TMEM63B: variants seen among roughly 807,000 people sequenced by gnomAD.
TMEM63B encodes the protein transmembrane protein 63B, also known as mechanosensitive cation channel TMEM63B.
A neutral mutation model predicts 102.6 loss-of-function variants in TMEM63B; 23 were observed. The ratio of observed to expected loss-of-function variants is 0.22; its 90% CI spans 0.16 to 0.32. The LOEUF (loss-of-function observed/expected upper bound fraction) is 0.32, where lower values mean the gene tolerates loss of function less well. Ranked by LOEUF, TMEM63B falls within the 10% of genes least tolerant of loss-of-function variation. TMEM63B has a pLI of 1.00. For missense variants in TMEM63B, 628 were observed against 1,095.9 expected (o/e 0.57, Z 6.03); for synonymous variants, 444 against 437.0 (o/e 1.02, Z -0.20).
At chr6:44,154,604 C>T (rs1451663986) in intron 23 of TMEM63B, 88 bp from the exon 24 acceptor site, 3 of 1,469,018 alleles carry the variant, frequency 2.0e-6, no homozygotes, top group South Asian at 2.6e-5. Flanking sequence ...CAGGGCCCTG[C>T]CCACTCTGCT....
Position 44,140,031 on chromosome 6 carries a change from T to A in TMEM63B, c.603-221T>A, listed in dbSNP as rs532129913. ...GACACTGTAACCAGTGGGTAGGGCGTAGAAAGGTGACCTATCAGGGATATT... is the reference window on the plus strand; with the variant it reads ...GACACTGTAACCAGTGGGTAGGGCGAAGAAAGGTGACCTATCAGGGATATT... On this transcript the variant is annotated intron_variant, in intron 8 of 23. Transcript: ENST00000323267. Among the ~76,000 whole-genome samples, 196 of 152,140 alleles carry A rather than the reference T, an allele frequency of 1.3e-3. 2 individuals carry two copies. Among genetic ancestry groups the A allele is most frequent in the Non-Finnish European group, 1.8e-3 (119 of 67,988 alleles).
intron 11 of TMEM63B, 108 bp from the exon 12 acceptor site, chr6:44,147,269 C>T (rs1193347853): frequency 1.3e-6 from 2 of 1,567,316 alleles, no homozygotes; most frequent in African/African-American, 2.7e-5. Context: ...AACATGTATC[C>T]TAAACAAGAA....
chr6:44,141,186 C>A, intron 10 of TMEM63B, 88 bp downstream of exon 10: 1 of 1,322,152 alleles, frequency 7.6e-7, no homozygotes, highest in South Asian at 1.3e-5. Context: ...TATACCCTAG[C>A]CTGGAGCTCT....
chr6:44,137,129 G>A (rs1472780868), intron 5 of TMEM63B, among the ~76,000 whole-genome samples: 2 of 152,246 alleles, frequency 1.3e-5, no homozygotes, highest in Non-Finnish European at 2.9e-5. Context: ...GGTTGCAGGT[G>A]GGTGGCCCCT....
chr6:44,154,671 C>G (rs1767665622), intron 23 of TMEM63B, 21 bp from the exon 24 acceptor site: 2 of 1,505,642 alleles, frequency 1.3e-6, no homozygotes, highest in African/African-American at 1.6e-5. Context: ...CACCTTGCCC[C>G]CATTTCCTCT....
intron 3 of TMEM63B, 80 bp from the exon 4 acceptor site, chr6:44,135,248 C>A: frequency 6.4e-7 from 1 of 1,573,208 alleles, no homozygotes; most frequent in Non-Finnish European, 8.7e-7. Flanking sequence ...CATGAGGGCC[C>A]TAAGTTGGGC....
At position 44,138,736 on chromosome 6, in the gene TMEM63B, G is replaced by GTCCCCCC. The variant is rs567563400; in HGVS notation, c.407+219_407+220insTCCCCCC. On this transcript the variant is annotated intron_variant, in intron 6 of 23. Transcript: ENST00000323267. Reference sequence around the variant, plus strand: ...TAATCTCCTCTGTGACCCCCTGCCGGCCCCCCCGCTTCTCTCCCTGCCCTG... The same window carrying GTCCCCCC: ...TAATCTCCTCTGTGACCCCCTGCCGGTCCCCCCCCCCCCCGCTTCTCTCCCTGCCCTG... 1.7e-3 allele frequency: 502 copies of GTCCCCCC among 287,924 alleles called. 2 individuals are homozygous for GTCCCCCC. Among genetic ancestry groups the GTCCCCCC allele is most frequent in the South Asian group, 2.2e-3 (64 of 28,812 alleles). The allele number at this position is 287,924 out of a possible 1,614,324, so 17.8% of individuals were successfully genotyped here.
chr6:44,130,856 A>G (rs1340644380), intron 1 of TMEM63B, among the ~76,000 whole-genome samples: 4 of 150,624 alleles, frequency 2.7e-5, no homozygotes, highest in Non-Finnish European at 4.4e-5. Flanking sequence ...GGCTCAAGGT[A>G]TCTTCCCCAC....
chr6:44,152,810 C>G lies in TMEM63B; in HGVS notation c.1942+112C>G, dbSNP rs1767040875. 1.1e-6 allele frequency: 1 copy of G among 880,364 alleles called. No homozygotes were observed. The highest frequency in any genetic ancestry group is 1.8e-6 in the Non-Finnish European group (1 of 570,090). 54.5% of individuals were successfully genotyped at this position (880,364 alleles called of 1,614,324 possible). Reference sequence around the variant, plus strand: ...AGTGGACAGGGCCCGGCTGGGAGACCGGCCCCTCGGGGCTCCCGCCCGGTC... The same window carrying G: ...AGTGGACAGGGCCCGGCTGGGAGACGGGCCCCTCGGGGCTCCCGCCCGGTC... On this transcript the variant is annotated intron_variant, in intron 20 of 23. Transcript: ENST00000323267. The surrounding 1 kb of genome is among the most constrained non-coding windows in gnomAD (Gnocchi z 6.4).
Position 44,155,103 on chromosome 6 carries a change from A to C in TMEM63B, c.*220A>C, listed in dbSNP as rs894833321. On this transcript the variant is annotated 3_prime_UTR_variant, in exon 24 of 24. Transcript: ENST00000323267. ...GAGCCCCGAGCCGGCCCCGGGGCAA[A>C]GAGGGGTGCAGAGGGAGTTCCCCCA... 2 of 400,430 alleles carry C rather than the reference A, an allele frequency of 5.0e-6. No individual in the cohort carries two copies. Among genetic ancestry groups the C allele is most frequent in the Non-Finnish European group, 8.9e-6 (2 of 225,326 alleles). The allele number at this position is 400,430 out of a possible 1,614,324, so 24.8% of individuals were successfully genotyped here. A position where few individuals can be genotyped will look rare whatever the true frequency, so the allele number is the denominator to read the frequency against.
rs766982137 is a variant in TMEM63B, at chr6:44,141,004, C to T, written c.712-24C>T. 9 of 1,613,140 alleles carry T rather than the reference C, an allele frequency of 5.6e-6. No individual in the cohort carries two copies. In the South Asian group the frequency reaches 8.8e-5, roughly 16 times the overall value. ...TCCACTGGGGTCAAGCCTCAGAAGG[C>T]AAACCCACTCCCCTGTCACCCAGGT... On this transcript the variant is annotated intron_variant, in intron 9 of 23. Transcript: ENST00000323267.
At chr6:44,130,094 G>A (rs1385920559) in intron 1 of TMEM63B, among the ~76,000 whole-genome samples, 1 of 152,240 alleles carries the variant, frequency 6.6e-6, no homozygotes, top group Non-Finnish European at 1.5e-5. Context: ...AGGCAAGCAG[G>A]TAGAAATAGG....
chr6:44,140,232 A>C lies in TMEM63B; in HGVS notation c.603-20A>C, dbSNP rs750881838. On this transcript the variant is annotated intron_variant, in intron 8 of 23. Transcript: ENST00000323267. The stretch of plus-strand genomic sequence containing the variant: ...GTCCTAGCCCCAGTGGCTCCCATGT[A>C]TCCTCTCTGCTTCTCCCAGGAACAA... 2.5e-6 allele frequency: 4 copies of C among 1,604,454 alleles called. No individual in the cohort carries two copies. Among genetic ancestry groups the C allele is most frequent in the South Asian group, 1.1e-5 (1 of 90,766 alleles).
Position 44,139,716 on chromosome 6 carries a change from G to C in TMEM63B, c.559G>C (p.Ala187Pro). The C allele has an allele frequency of 6.2e-7, 1 of 1,614,180 alleles. No homozygotes were observed. The highest frequency in any genetic ancestry group is 2.2e-5 in the East Asian group (1 of 44,886). The part of the protein sequence containing the change: ...NFSGDLLENN[A>P]YSFGRTTIAN... Reference sequence around the variant, plus strand: ...CTCTTCCCACCCCACAGAGAACAATGCCTACAGCTTTGGGAGAACCACCAT... The same window carrying C: ...CTCTTCCCACCCCACAGAGAACAATCCCTACAGCTTTGGGAGAACCACCAT... Residue 187 changes from alanine to proline, a missense_variant, in exon 8 of 24, where the codon GCC becomes CCC. Ala to Pro is a conservative substitution (Grantham distance 27, BLOSUM62 -1). Around this residue, in one of 6 missense-constraint regions of TMEM63B, gnomAD observed 336 missense variants for 580.3 expected, o/e 0.58. Coordinates refer to ENST00000323267, the MANE Select transcript of TMEM63B (RefSeq NM_018426.3).
At chr6:44,139,970 C>A (rs919417464) in intron 8 of TMEM63B, among the ~76,000 whole-genome samples, 1 of 152,138 alleles carries the variant, frequency 6.6e-6, no homozygotes, top group Non-Finnish European at 1.5e-5. Context: ...AGGGTGAAAT[C>A]TCAGGAACCA....
At chr6:44,143,507 C>T (rs1213443229) in intron 10 of TMEM63B, among the ~76,000 whole-genome samples, 1 of 151,968 alleles carries the variant, frequency 6.6e-6, no homozygotes, top group African/African-American at 2.4e-5. Flanking sequence ...AATTAGGTGA[C>T]ATCTTAATAT....
At chr6:44,135,152 C>T in intron 3 of TMEM63B, 56 bp downstream of exon 3, 13 of 1,602,522 alleles carry the variant, frequency 8.1e-6, no homozygotes, top group South Asian at 1.1e-5. Flanking sequence ...GTTCCACACT[C>T]CTCAGGAATA....
intron 10 of TMEM63B, among the ~76,000 whole-genome samples, chr6:44,145,001 G>C (rs539479333): frequency 4.9e-4 from 75 of 152,136 alleles, no homozygotes; most frequent in Non-Finnish European, 7.8e-4. Context: ...TACTGGCCAG[G>C]TGCGGTGGCT....
chr6:44,141,145 C>CT (rs752082189), intron 10 of TMEM63B, 47 bp downstream of exon 10: 1 of 1,563,970 alleles, frequency 6.4e-7, no homozygotes, highest in Non-Finnish European at 8.8e-7. Flanking sequence ...GCTGCAGAGC[C>CT]TTCTCTGCCT....
Sources: allele counts gnomAD v4.1 joint callset (sites outside exome capture counted in the v4.1 genomes callset), GRCh38; gene constraint gnomAD v4.1.1; regional missense constraint gnomAD v4.1.1; non-coding constraint Gnocchi (gnomAD v3.1); transcripts MANE v1.5; gene names NCBI Gene and HGNC (gene_info 2026-07-23, HGNC 2026-07-21).